Variants in CCDC18 observed in about 807,000 individuals in gnomAD.
CCDC18 encodes coiled-coil domain containing 18, also known as coiled-coil domain-containing protein 18.
Under a neutral mutation model 196.0 loss-of-function variants are expected in CCDC18, and 157 were observed. The ratio of observed to expected loss-of-function variants is 0.80; its 90% confidence interval spans 0.70 to 0.91. The LOEUF (loss-of-function observed/expected upper bound fraction) is 0.91, where lower values mean the gene tolerates loss of function less well. CCDC18 is among the 40% of genes least tolerant of loss of function. CCDC18 has a pLI of 0.00. For synonymous variants in CCDC18, 482 were observed against 529.2 expected (o/e 0.91, Z 1.22); for missense variants, 1,465 against 1,611.6 (o/e 0.91, Z 1.56).
intron 15 of CCDC18, 31 bp downstream of exon 15, chr1:93,221,774 G>C (rs1485290455): frequency 9.4e-6 from 15 of 1,595,874 alleles, no homozygotes; most frequent in Non-Finnish European, 1.3e-5. Flanking sequence ...GTGCTATTTA[G>C]AAGTTGACTA....
chr1:93,223,934 C>A (rs1023516183), intron 16 of CCDC18, among the ~76,000 whole-genome samples: 1 of 139,210 alleles, frequency 7.2e-6, no homozygotes, highest in Admixed American at 7.0e-5. Flanking sequence ...CACACACACA[C>A]ACACACATTT....
At chr1:93,188,947 C>T (rs565535063) in intron 4 of CCDC18, among the ~76,000 whole-genome samples, 58 of 152,174 alleles carry the variant, frequency 3.8e-4, no homozygotes, top group Non-Finnish European at 7.2e-4. Context: ...ATATCCATCC[C>T]CTCAGGCATT....
intron 4 of CCDC18, among the ~76,000 whole-genome samples, chr1:93,189,265 T>C (rs1290987021): frequency 1.3e-5 from 2 of 152,240 alleles, no homozygotes; most frequent in Non-Finnish European, 2.9e-5. Flanking sequence ...CTTAACATAA[T>C]GATCTTTAGT....
chr1:93,268,523 C>T (rs967088916), intron 27 of CCDC18, among the ~76,000 whole-genome samples: 1 of 152,000 alleles, frequency 6.6e-6, no homozygotes, highest in African/African-American at 2.4e-5. Flanking sequence ...TTTTTGCAAT[C>T]TACTCATCTG....
intron 9 of CCDC18, among the ~76,000 whole-genome samples, chr1:93,209,302 T>C (rs745650226): frequency 6.6e-6 from 1 of 152,198 alleles, no homozygotes; most frequent in Non-Finnish European, 1.5e-5. Flanking sequence ...TCTCTTTTAG[T>C]AATATTTGTG....
intron 6 of CCDC18, 21 bp downstream of exon 6, chr1:93,193,765 T>C: frequency 1.3e-6 from 2 of 1,522,744 alleles, no homozygotes; most frequent in Non-Finnish European, 1.8e-6. Flanking sequence ...TTAAAGCAAA[T>C]ACATGTTTTT....
rs780527662 is a variant in CCDC18 at position 93,226,450 on chromosome 1, G to C, written c.2292+1G>C. On this transcript the variant is annotated splice_donor_variant, in intron 17 of 28. Transcript: ENST00000690025. LOFTEE classifies it high-confidence loss of function. ...ACAGTTAAAGAAGAAATCTGAAGAG[G>C]TAAATTAACATTTACTTTATATATA... The C allele has an allele frequency of 3.0e-6, 4 of 1,337,342 alleles. No homozygotes were observed. The highest frequency in any genetic ancestry group is 4.3e-6 in the Non-Finnish European group (4 of 935,316). The allele number at this position is 1,337,342 out of a possible 1,614,324, so 82.8% of individuals were successfully genotyped here.
intron 7 of CCDC18, 136 bp downstream of exon 7, chr1:93,202,124 C>A: frequency 1.8e-6 from 1 of 542,394 alleles, no homozygotes; most frequent in Non-Finnish European, 3.2e-6. Context: ...TTTAAATAAA[C>A]AATTTGTAAA....
chr1:93,203,881 AT>A (rs1486843695), intron 7 of CCDC18, among the ~76,000 whole-genome samples: 5 of 152,264 alleles, frequency 3.3e-5, no homozygotes, highest in Admixed American at 6.5e-5. Flanking sequence ...AGACAGGGCT[AT>A]TGGTTTTTAT....
chr1:93,196,423 T>C (rs905095427), intron 6 of CCDC18, among the ~76,000 whole-genome samples: 1 of 152,174 alleles, frequency 6.6e-6, no homozygotes, highest in Non-Finnish European at 1.5e-5. Context: ...TAGACTTCAG[T>C]GCAACAAGCA....
chr1:93,222,533 G>A (rs929403826), intron 16 of CCDC18, among the ~76,000 whole-genome samples: 3 of 152,112 alleles, frequency 2.0e-5, no homozygotes, highest in Non-Finnish European at 4.4e-5. Context: ...AGAATTTCTA[G>A]CTAAAATACG....
intron 16 of CCDC18, among the ~76,000 whole-genome samples, chr1:93,225,890 C>CT (rs1218727388): frequency 3.9e-5 from 6 of 152,138 alleles, no homozygotes; most frequent in Admixed American, 3.3e-4. Flanking sequence ...TACCACTTAC[C>CT]TTTTAAAGAA....
chr1:93,271,093 A>T (rs966143787), intron 28 of CCDC18: 83 of 983,340 alleles, frequency 8.4e-5, no homozygotes, highest in East Asian at 1.1e-4. Context: ...TAAAAAAATT[A>T]AAAAACTGAA....
chr1:93,201,124 C>G (rs578001051), intron 6 of CCDC18, among the ~76,000 whole-genome samples: 2 of 152,214 alleles, frequency 1.3e-5, no homozygotes, highest in Non-Finnish European at 2.9e-5. Context: ...AATGAAAATA[C>G]AGAAGCTAGA....
chr1:93,227,232 C>T (rs1474043486), intron 17 of CCDC18, among the ~76,000 whole-genome samples: 1 of 140,164 alleles, frequency 7.1e-6, no homozygotes, highest in Non-Finnish European at 1.5e-5. Flanking sequence ...AGGCTCGGCT[C>T]ACTGCAACCT....
intron 5 of CCDC18, 35 bp from the exon 6 acceptor site, chr1:93,193,581 T>C (rs372944121): frequency 1.9e-5 from 28 of 1,454,694 alleles, no homozygotes; most frequent in African/African-American, 8.8e-5. Flanking sequence ...ATAATCTCTT[T>C]AGTAGTCTTA....
chr1:93,230,175 G>A (rs1659017245), intron 17 of CCDC18, among the ~76,000 whole-genome samples: 1 of 151,932 alleles, frequency 6.6e-6, no homozygotes, highest in Non-Finnish European at 1.5e-5. Flanking sequence ...AAAATATGAT[G>A]TAAAAACAAT....
At chr1:93,180,448 T>C (rs560053007), upstream of CCDC18, 1 of 1,366,632 alleles carries the variant, frequency 7.3e-7, no homozygotes, top group Non-Finnish European at 1.0e-6. Flanking sequence ...CTAGCAGTCC[T>C]ATTCCGCAAC....
intron 4 of CCDC18, among the ~76,000 whole-genome samples, 174 bp from the exon 5 acceptor site, chr1:93,191,826 A>G (rs35516125): frequency 1.0e-3 from 158 of 152,326 alleles, no homozygotes; most frequent in Non-Finnish European, 2.0e-3. Flanking sequence ...AGGCTGGCTT[A>G]TAATGATGAT....
Sources: allele counts gnomAD v4.1 joint callset (sites outside exome capture counted in the v4.1 genomes callset), GRCh38; gene constraint gnomAD v4.1.1; transcripts MANE v1.5; gene names NCBI Gene and HGNC (gene_info 2026-07-23, HGNC 2026-07-21).